Variants in WDR62 observed in about 807,000 individuals in gnomAD.
WDR62 encodes the protein WD repeat domain 62, also known as WD repeat-containing protein 62.
Under a neutral mutation model 160.6 loss-of-function variants are expected in WDR62, and 112 were observed. The observed-to-expected ratio is 0.70, with a 90% CI of 0.60 to 0.82. WDR62 has a LOEUF of 0.82. Ranked by LOEUF, WDR62 falls within the 40% of genes least tolerant of loss-of-function variation. The pLI is 0.00. For missense variants in WDR62, 1,819 were observed against 1,983.8 expected (o/e 0.92, Z 1.58); for synonymous variants, 792 against 815.1 (o/e 0.97, Z 0.48).
Position 36,083,212 on chromosome 19 carries a change from G to A in WDR62, c.1521G>A (p.Leu507=), listed in dbSNP as rs778207666. The change falls in exon 11 of 32, where the codon TTG becomes TTA. Residue 507 remains leucine, a synonymous_variant. Coordinates refer to ENST00000401500, the MANE Select transcript of WDR62 (RefSeq NM_001083961.2). ...VMQVSPDGQH[L]ASGDRSGNLR... ...AGGTCAGTCCTGACGGCCAGCATTTGGCTTCAGGCGACCGAAGTGGAAATC... is the reference window on the plus strand; with the variant it reads ...AGGTCAGTCCTGACGGCCAGCATTTAGCTTCAGGCGACCGAAGTGGAAATC... 1.0e-5 allele frequency: 16 copies of A among 1,606,612 alleles called. No individual in the cohort carries two copies. The highest frequency in any genetic ancestry group is 1.3e-5 in the African/African-American group (1 of 74,806).
Position 36,103,878 on chromosome 19 carries a change from T to G in WDR62, c.4050T>G (p.Ala1350=). The change falls in exon 30 of 32, where the codon GCT becomes GCG. Residue 1350 remains alanine, a synonymous_variant. Coordinates refer to ENST00000401500, the MANE Select transcript of WDR62 (RefSeq NM_001083961.2). ...HGSAFRPSLP[A]PESPGLPAHP... ...CTGCCTTTCGCCCAAGTCTCCCAGC[T>G]CCTGAGTCCCCTGGCCTTCCTGCCC... 1 of 1,601,146 alleles carries G rather than the reference T, an allele frequency of 6.2e-7. No homozygotes were observed. The highest frequency in any genetic ancestry group is 8.5e-7 in the Non-Finnish European group (1 of 1,179,878).
At chr19:36,059,137 T>C (rs1291145765) in intron 2 of WDR62, 2 of 610,706 alleles carry the variant, frequency 3.3e-6, no homozygotes, top group African/African-American at 3.7e-5. Context: ...GTGATTAAAG[T>C]CCACGCTGTG....
At chr19:36,062,864 A>G (rs1357136966) in intron 3 of WDR62, among the ~76,000 whole-genome samples, 2 of 152,116 alleles carry the variant, frequency 1.3e-5, no homozygotes, top group Admixed American at 1.3e-4. Context: ...GATTCTGTCT[A>G]GAATCACACA....
At chr19:36,102,362 G>A (rs995024469) in intron 26 of WDR62, 1 of 678,446 alleles carries the variant, frequency 1.5e-6, no homozygotes, top group African/African-American at 1.8e-5. Flanking sequence ...CCTGGTTCAA[G>A]CAATTCTCCT....
At chr19:36,109,090 C>T (rs1973760181), downstream of WDR62, among the ~76,000 whole-genome samples, 1 of 152,168 alleles carries the variant, frequency 6.6e-6, no homozygotes, top group African/African-American at 2.4e-5. Context: ...AGACCCTCAG[C>T]ACTGCCACCC....
At chr19:36,072,792 A>G (rs765513736) in intron 8 of WDR62, among the ~76,000 whole-genome samples, 5 of 152,112 alleles carry the variant, frequency 3.3e-5, no homozygotes, top group East Asian at 1.9e-4. Context: ...GAAGGTGACT[A>G]TACCTCCCTG....
intron 9 of WDR62, among the ~76,000 whole-genome samples, chr19:36,074,792 A>T (rs1430373408): frequency 6.6e-6 from 1 of 152,210 alleles, no homozygotes; most frequent in Non-Finnish European, 1.5e-5. Context: ...TGAAATTTTT[A>T]AAAATTTGGG....
chr19:36,060,576 C>G (rs1422792500), intron 3 of WDR62: 1 of 167,126 alleles, frequency 6.0e-6, no homozygotes, highest in Non-Finnish European at 1.3e-5. Context: ...AGCCACATCC[C>G]GTAGGCCTTG....
intron 5 of WDR62, 40 bp downstream of exon 5, chr19:36,066,467 G>A (rs762428874): frequency 2.6e-6 from 4 of 1,562,102 alleles, no homozygotes; most frequent in Non-Finnish European, 3.5e-6. Flanking sequence ...GCAGCCAGCT[G>A]CCACAGCATC....
Position 36,083,237 on chromosome 19 carries a change from C to G in WDR62, c.1546C>G (p.Leu516Val), listed in dbSNP as rs1972007849. ...GGCTTCAGGCGACCGAAGTGGAAATCTGAGGCAAGTGGGCCCTGGCAGTGT... is the reference window on the plus strand; with the variant it reads ...GGCTTCAGGCGACCGAAGTGGAAATGTGAGGCAAGTGGGCCCTGGCAGTGT... Reference protein sequence around the residue: ...HLASGDRSGNLRIHELHFMDE... With the variant: ...HLASGDRSGNVRIHELHFMDE... Residue 516 changes from leucine (L) to valine (V), a missense_variant, in exon 11 of 32, where the codon CTG (leucine) becomes GTG (valine). This residue lies in a region of WDR62 where 934 missense variants were observed against 1,157.2 expected (regional missense o/e 0.81). Transcript: ENST00000401500. 1 of 1,596,888 alleles carries G rather than the reference C, an allele frequency of 6.3e-7. No homozygotes were observed. The highest frequency in any genetic ancestry group is 1.1e-5 in the South Asian group (1 of 88,586).
At chr19:36,082,367 A>G (rs1238710050) in intron 10 of WDR62, among the ~76,000 whole-genome samples, 1 of 152,190 alleles carries the variant, frequency 6.6e-6, no homozygotes, top group Non-Finnish European at 1.5e-5. Flanking sequence ...TGGGAAGAGT[A>G]AAGAGGGAAG....
chr19:36,073,569 T>G (rs1299610867), intron 9 of WDR62, 38 bp downstream of exon 9: 1 of 1,356,330 alleles, frequency 7.4e-7, no homozygotes, highest in Admixed American at 2.1e-5. Flanking sequence ...CTGCTTGGCC[T>G]CTGCACAGTT....
intron 9 of WDR62, among the ~76,000 whole-genome samples, chr19:36,080,612 C>A (rs1426048965): frequency 6.6e-6 from 1 of 151,958 alleles, no homozygotes; most frequent in Non-Finnish European, 1.5e-5. Flanking sequence ...GTGTGCACCA[C>A]CACGCCCAGC....
At chr19:36,062,674 A>T (rs1970716937) in intron 3 of WDR62, 1 of 151,272 alleles carries the variant, frequency 6.6e-6, no homozygotes, top group Non-Finnish European at 1.5e-5. Flanking sequence ...AAAAAAAAAA[A>T]ACTTAATCAA....
At chr19:36,060,291 A>G (rs926048430) in intron 3 of WDR62, 12 of 526,580 alleles carry the variant, frequency 2.3e-5, no homozygotes, top group Non-Finnish European at 4.1e-5. Context: ...GATCAGTGCT[A>G]TGGAGGAAAT....
In WDR62 at chr19:36,076,598, T is replaced by G. The variant is rs546765657; in HGVS notation, c.1233+3067T>G. On this transcript the variant is annotated intron_variant, in intron 9 of 31. Transcript: ENST00000401500. ...AAAAAAGAGAAAGAGAAGGCCAGGG[T>G]TTTTTTTTAGTACAAATTGGGACTT... 8.1e-5 allele frequency among the ~76,000 whole-genome samples: 12 copies of G among 147,348 alleles called. No homozygotes were observed. The South Asian group carries it at 1.9e-3, about 24-fold the overall frequency.
intron 11 of WDR62, among the ~76,000 whole-genome samples, chr19:36,083,933 T>C (rs2145724768): frequency 6.6e-6 from 1 of 152,296 alleles, no homozygotes; most frequent in South Asian, 2.1e-4. Context: ...TTTTAAATAT[T>C]GGCACCTGTT....
Position 36,104,977 on chromosome 19 carries a change from C to G in WDR62, c.4521C>G (p.His1507Gln). The G allele has an allele frequency of 6.2e-7, 1 of 1,604,512 alleles. No homozygotes were observed. The highest frequency in any genetic ancestry group is 2.2e-5 in the East Asian group (1 of 44,702). The change falls in exon 32 of 32, where the codon CAC becomes CAG. Residue 1507 changes from histidine (H) to glutamine (Q), a missense_variant. Physicochemically the swap from His to Gln is conservative, Grantham distance 24 (BLOSUM62 0). This residue lies in a region of WDR62 where 770 missense variants were observed against 734.2 expected (regional missense o/e 1.05). Coordinates refer to ENST00000401500, the MANE Select transcript of WDR62 (RefSeq NM_001083961.2). ...CAGACCTGCAGGCCCTGCTGGAACA[C>G]TACTCGGAGCTGCTGGTGCAGGCCG... is the stretch of plus-strand genomic sequence containing the variant. ...ASPDLQALLEHYSELLVQAVR... is the reference protein window; with the variant it reads ...ASPDLQALLEQYSELLVQAVR...
downstream of WDR62, among the ~76,000 whole-genome samples, chr19:36,109,986 C>T (rs1973779561): frequency 6.7e-6 from 1 of 149,944 alleles, no homozygotes; most frequent in African/African-American, 2.5e-5. Flanking sequence ...ACCCAGGAGG[C>T]GGAGGTCATA....
Sources: gnomAD v4.1 joint callset for allele counts (sites outside exome capture counted in the v4.1 genomes callset) on GRCh38, gnomAD v4.1.1 for gene constraint, gnomAD v4.1.1 regional missense constraint, MANE v1.5 for transcripts, NCBI Gene and HGNC (gene_info 2026-07-23, HGNC 2026-07-21) for gene names.